NPAS3: variants seen among roughly 807,000 people sequenced by gnomAD.
The protein encoded by NPAS3 is neuronal PAS domain protein 3.
In NPAS3, 14 loss-of-function variants were observed where a neutral mutation model predicts 73.1. The ratio of observed to expected loss-of-function variants is 0.19; its 90% CI spans 0.13 to 0.30. NPAS3 has a LOEUF of 0.30. NPAS3 is among the 10% of genes least tolerant of loss of function. The pLI is 1.00. For synonymous variants in NPAS3, 620 were observed against 541.5 expected, an observed-to-expected ratio of 1.14 and a Z score of -2.01; for missense variants, 1,096 against 1,250.0, an observed-to-expected ratio of 0.88 and a Z score of 1.86.
At chr14:33,692,283 A>C (rs2140413403) in intron 6 of NPAS3, among the ~76,000 whole-genome samples, 1 of 152,252 alleles carries the variant, frequency 6.6e-6, no homozygotes, top group South Asian at 2.1e-4. Flanking sequence ...CCTTTTTTAA[A>C]ATCCCCTCCC....
chr14:33,251,183 C>T (rs1384468161), intron 3 of NPAS3, among the ~76,000 whole-genome samples: 1 of 152,134 alleles, frequency 6.6e-6, no homozygotes, highest in Non-Finnish European at 1.5e-5. Context: ...AGCCATCAAT[C>T]TCGCTTATCA....
intron 5 of NPAS3, among the ~76,000 whole-genome samples, chr14:33,581,620 G>A (rs2056666995): frequency 6.6e-6 from 1 of 152,152 alleles, no homozygotes; most frequent in East Asian, 1.9e-4. Context: ...GCCCAGGCTG[G>A]AGTGCAGTGT....
At chr14:33,544,684 CAG>C (rs1169441780) in intron 4 of NPAS3, among the ~76,000 whole-genome samples, 1 of 147,980 alleles carries the variant, frequency 6.8e-6, no homozygotes. Context: ...AGGCCTGTGA[CAG>C]AATAAGTTTC....
At chr14:33,618,089 A>G (rs927881334) in intron 5 of NPAS3, among the ~76,000 whole-genome samples, 1 of 152,144 alleles carries the variant, frequency 6.6e-6, no homozygotes, top group Non-Finnish European at 1.5e-5. Flanking sequence ...ATTTTTTCAC[A>G]TATCCACCCT....
chr14:33,013,772 A>T (rs912229482), intron 1 of NPAS3, among the ~76,000 whole-genome samples: 1 of 152,102 alleles, frequency 6.6e-6, no homozygotes, highest in Non-Finnish European at 1.5e-5. Flanking sequence ...TGATTTCAGT[A>T]TTTTGTTTTT....
At chr14:33,092,770 G>C (rs1162899411) in intron 2 of NPAS3, among the ~76,000 whole-genome samples, 1 of 152,060 alleles carries the variant, frequency 6.6e-6, no homozygotes, top group Non-Finnish European at 1.5e-5. Flanking sequence ...CCAAAACAGA[G>C]ATCTAGACCA....
chr14:33,736,351 G>A (rs1171172365), intron 7 of NPAS3, among the ~76,000 whole-genome samples: 2 of 152,148 alleles, frequency 1.3e-5, no homozygotes, highest in African/African-American at 4.8e-5. Flanking sequence ...AGAGAGGTGG[G>A]AAAGCAGATC....
intron 1 of NPAS3, among the ~76,000 whole-genome samples, chr14:32,970,536 T>C (rs1051027715): frequency 2.0e-5 from 3 of 152,178 alleles, no homozygotes; most frequent in East Asian, 1.9e-4. Context: ...TGTATTCATT[T>C]CTTGGGGATG....
At chr14:33,719,077 G>A (rs553620887) in intron 6 of NPAS3, among the ~76,000 whole-genome samples, 13 of 152,232 alleles carry the variant, frequency 8.5e-5, no homozygotes, top group South Asian at 4.1e-4. Flanking sequence ...GCAGTGAGCC[G>A]TGTTCACACC....
At position 33,350,963 on chromosome 14, in the gene NPAS3, G is replaced by C. The variant is rs141194338; in HGVS notation, c.386-16223G>C. Reference sequence around the variant, plus strand: ...TGCAGCAATTTATCTGAGTTTTGTGGTTAAAGTTTGAGCATGAGGTAATTA... The same window carrying C: ...TGCAGCAATTTATCTGAGTTTTGTGCTTAAAGTTTGAGCATGAGGTAATTA... On this transcript the variant is annotated intron_variant, in intron 3 of 11. Transcript: ENST00000356141. Among the ~76,000 whole-genome samples, 689 of 152,264 alleles carry C rather than the reference G, an allele frequency of 4.5e-3. 4 individuals are homozygous for C. Among genetic ancestry groups the C allele is most frequent in the African/African-American group, 0.015 (639 of 41,546 alleles).
intron 6 of NPAS3, among the ~76,000 whole-genome samples, chr14:33,682,923 A>G (rs1292950345): frequency 6.6e-6 from 1 of 152,190 alleles, no homozygotes; most frequent in African/African-American, 2.4e-5. Flanking sequence ...CTGCAACCCC[A>G]GGAATCCTTT....
chr14:33,584,505 T>TGTG (rs1291554583), intron 5 of NPAS3, among the ~76,000 whole-genome samples: 3 of 152,132 alleles, frequency 2.0e-5, no homozygotes, highest in African/African-American at 7.2e-5. Flanking sequence ...GGTTAGAAAC[T>TGTG]TAAAAGAAGT....
intron 6 of NPAS3, chr14:33,680,472 T>C: frequency 1.6e-6 from 1 of 638,482 alleles, no homozygotes; most frequent in Non-Finnish European, 2.8e-6. Flanking sequence ...TTCCTGTGTA[T>C]GTAGGTATGT....
At chr14:33,024,142 ATGTGTGTGTGTGTG>A (rs5807700) in intron 1 of NPAS3, among the ~76,000 whole-genome samples, 6 of 143,164 alleles carry the variant, frequency 4.2e-5, no homozygotes, top group Non-Finnish European at 9.0e-5. Context: ...GTGTGTGTAT[ATGTGTGTGTGTGTG>A]TGTGTGTGTG....
chr14:33,219,442 T>C (rs1284172230), intron 3 of NPAS3, among the ~76,000 whole-genome samples: 1 of 152,238 alleles, frequency 6.6e-6, no homozygotes, highest in East Asian at 1.9e-4. Context: ...TTTGCCTATG[T>C]GTGTGACAGG....
intron 4 of NPAS3, among the ~76,000 whole-genome samples, chr14:33,539,853 G>T (rs1009615318): frequency 6.6e-6 from 1 of 152,036 alleles, no homozygotes; most frequent in East Asian, 1.9e-4. Flanking sequence ...TCTTTGTTTG[G>T]TTGCTTGTTT....
intron 4 of NPAS3, among the ~76,000 whole-genome samples, chr14:33,489,565 G>A (rs1173920452): frequency 6.6e-6 from 1 of 152,156 alleles, no homozygotes; most frequent in Non-Finnish European, 1.5e-5. Context: ...TTAAAAGAAT[G>A]TAAACTTGTA....
intron 5 of NPAS3, among the ~76,000 whole-genome samples, chr14:33,619,364 A>G (rs1012082863): frequency 2.6e-5 from 4 of 152,196 alleles, no homozygotes; most frequent in African/African-American, 9.6e-5. Context: ...TTCCTGAAGT[A>G]GACTGGACGA....
At chr14:33,145,615 C>G (rs757571688) in intron 2 of NPAS3, among the ~76,000 whole-genome samples, 1 of 152,166 alleles carries the variant, frequency 6.6e-6, no homozygotes, top group Non-Finnish European at 1.5e-5. Flanking sequence ...CTTCTGAGGT[C>G]TAGAAGAACA....
Sources: gnomAD v4.1 joint callset for allele counts (sites outside exome capture counted in the v4.1 genomes callset) on GRCh38, gnomAD v4.1.1 for gene constraint, MANE v1.5 for transcripts, NCBI Gene and HGNC (gene_info 2026-07-23, HGNC 2026-07-21) for gene names.